PTPRD: variants seen among roughly 807,000 people sequenced by gnomAD.
PTPRD encodes receptor-type tyrosine-protein phosphatase delta.
A neutral mutation model predicts 214.5 loss-of-function variants in PTPRD; 34 were observed. That is an observed-to-expected ratio of 0.16 (90% CI 0.12 to 0.21). PTPRD has a LOEUF of 0.21. PTPRD is among the 10% of genes least tolerant of loss of function. The pLI is 1.00. For synonymous variants in PTPRD, 1,128 were observed against 845.7 expected, an observed-to-expected ratio of 1.33 and a Z score of -5.79; for missense variants, 2,545 against 2,398.7, an observed-to-expected ratio of 1.06 and a Z score of -1.27.
intron 2 of PTPRD, among the ~76,000 whole-genome samples, chr9:10,467,778 T>C (rs898345021): frequency 1.3e-5 from 2 of 152,160 alleles, no homozygotes; most frequent in African/African-American, 2.4e-5. Context: ...AAAATGTTTA[T>C]CTAAAGCAAA....
At chr9:9,941,905 C>T (rs986546285) in intron 4 of PTPRD, among the ~76,000 whole-genome samples, 1 of 152,118 alleles carries the variant, frequency 6.6e-6, no homozygotes, top group African/African-American at 2.4e-5. Flanking sequence ...ACTATGACAA[C>T]AAATACTTCT....
At chr9:8,964,192 G>GTTT (rs71317391) in intron 11 of PTPRD, among the ~76,000 whole-genome samples, 125 of 35,568 alleles carry the variant, frequency 3.5e-3, no homozygotes, top group Non-Finnish European at 3.8e-3. Context: ...TCAGGGCTGT[G>GTTT]TTTTTTTTTT....
chr9:9,375,365 A>C (rs532095314), intron 9 of PTPRD, among the ~76,000 whole-genome samples: 1 of 152,272 alleles, frequency 6.6e-6, no homozygotes, highest in African/African-American at 2.4e-5. Context: ...TGGGAGGCCA[A>C]GTCTGGCAGA....
chr9:8,912,296 A>T (rs1384085465), intron 11 of PTPRD, among the ~76,000 whole-genome samples: 1 of 152,226 alleles, frequency 6.6e-6, no homozygotes, highest in Non-Finnish European at 1.5e-5. Flanking sequence ...TGTTATATAT[A>T]CTTGGAATGG....
At chr9:10,165,202 C>G (rs1314809664) in intron 3 of PTPRD, among the ~76,000 whole-genome samples, 1 of 151,654 alleles carries the variant, frequency 6.6e-6, no homozygotes, top group Non-Finnish European at 1.5e-5. Flanking sequence ...CTGTAACAGG[C>G]TATTATGTCT....
chr9:9,729,843 T>C (rs2098157611), intron 7 of PTPRD, among the ~76,000 whole-genome samples: 1 of 152,124 alleles, frequency 6.6e-6, no homozygotes, highest in Admixed American at 6.6e-5. Context: ...TTTATGTTCA[T>C]ATCATGACAT....
At chr9:9,197,401 C>T (rs2099939227) in intron 9 of PTPRD, among the ~76,000 whole-genome samples, 1 of 152,182 alleles carries the variant, frequency 6.6e-6, no homozygotes. Context: ...CACCTGTCAT[C>T]TGTGTTGTCT....
intron 9 of PTPRD, among the ~76,000 whole-genome samples, chr9:9,188,809 TGTGTGTGTG>T (rs1384251181): frequency 2.1e-3 from 1 of 484 alleles, no homozygotes; most frequent in Non-Finnish European, 3.6e-3. Context: ...CAAAATAAAT[TGTGTGTGTG>T]TGTGTGTGTG....
intron 9 of PTPRD, among the ~76,000 whole-genome samples, chr9:9,287,575 C>T (rs1299242407): frequency 5.9e-5 from 9 of 151,800 alleles, no homozygotes; most frequent in Admixed American, 2.0e-4. Flanking sequence ...AGAGTTTTCT[C>T]ATTAAATCTG....
chr9:8,465,667 C>G lies in PTPRD; in HGVS notation c.3513G>C (p.Lys1171Asn). 1.2e-6 allele frequency: 2 copies of G among 1,605,192 alleles called. No homozygotes were observed. Among genetic ancestry groups the G allele is most frequent in the Non-Finnish European group, 1.7e-6 (2 of 1,175,916 alleles). ...TGCTTCTGCGCTTCCTAGATATCTC[C>G]TTAAGCAGCTTAAGGAAAAAAGTGG... ...PDEMELDELL[K>N]EISRKRRSIR... Residue 1171 changes from lysine (K) to asparagine (N), a missense_variant, in exon 32 of 46, where the codon AAG becomes AAC. Transcript: ENST00000381196.
At chr9:8,584,045 T>C (rs1023835195) in intron 14 of PTPRD, among the ~76,000 whole-genome samples, 1 of 152,086 alleles carries the variant, frequency 6.6e-6, no homozygotes, top group Admixed American at 6.6e-5. Context: ...TCTCTGCTAC[T>C]TGGGAAGCTG....
At chr9:9,723,783 A>G (rs2098018177) in intron 7 of PTPRD, among the ~76,000 whole-genome samples, 2 of 152,068 alleles carry the variant, frequency 1.3e-5, no homozygotes, top group Admixed American at 1.3e-4. Flanking sequence ...TTTGAATAGA[A>G]GTGTTTTCCT....
chr9:9,536,461 G>A (rs2076540102), intron 8 of PTPRD, among the ~76,000 whole-genome samples: 1 of 152,036 alleles, frequency 6.6e-6, no homozygotes, highest in Non-Finnish European at 1.5e-5. Context: ...TGGATGGCAT[G>A]AATCTAATGG....
At chr9:8,873,526 A>T (rs1013434198) in intron 11 of PTPRD, among the ~76,000 whole-genome samples, 15 of 152,210 alleles carry the variant, frequency 9.9e-5, no homozygotes, top group African/African-American at 3.4e-4. Flanking sequence ...ATTTTTTTTT[A>T]ACCAAGTTCC....
chr9:9,807,112 T>C (rs1218878455), intron 5 of PTPRD, among the ~76,000 whole-genome samples: 1 of 152,178 alleles, frequency 6.6e-6, no homozygotes, highest in Non-Finnish European at 1.5e-5. Flanking sequence ...AATCTTTTAA[T>C]AAACTTTCAC....
At chr9:9,829,326 G>T (rs1323643127) in intron 5 of PTPRD, among the ~76,000 whole-genome samples, 1 of 151,728 alleles carries the variant, frequency 6.6e-6, no homozygotes, top group African/African-American at 2.4e-5. Context: ...GAACTGATCT[G>T]TGATAAATAT....
At chr9:9,380,584 G>T (rs1366702425) in intron 9 of PTPRD, among the ~76,000 whole-genome samples, 1 of 152,118 alleles carries the variant, frequency 6.6e-6, no homozygotes, top group Non-Finnish European at 1.5e-5. Flanking sequence ...GTTTGTTCAC[G>T]TGTGTTTCAC....
chr9:10,174,675 G>T (rs1388583302), intron 3 of PTPRD, among the ~76,000 whole-genome samples: 1 of 151,618 alleles, frequency 6.6e-6, no homozygotes, highest in African/African-American at 2.4e-5. Flanking sequence ...CCCAAAAAAA[G>T]TGAAATCAAC....
At chr9:8,716,262 A>G (rs976182196) in intron 12 of PTPRD, among the ~76,000 whole-genome samples, 1 of 152,244 alleles carries the variant, frequency 6.6e-6, no homozygotes, top group African/African-American at 2.4e-5. Context: ...ACCTACAAGG[A>G]GAACCAAAGG....
Sources: allele counts gnomAD v4.1 joint callset (sites outside exome capture counted in the v4.1 genomes callset), GRCh38; gene constraint gnomAD v4.1.1; transcripts MANE v1.5; gene names NCBI Gene and HGNC (gene_info 2026-07-23, HGNC 2026-07-21).